Variants in VWF observed in about 807,000 individuals in gnomAD.
VWF encodes Factor VIII related antigen.
Under a neutral mutation model 308.6 loss-of-function variants are expected in VWF, and 176 were observed. The observed-to-expected ratio is 0.57, with a 90% confidence interval of 0.50 to 0.65. The LOEUF (loss-of-function observed/expected upper bound fraction) is 0.65, where lower values mean the gene tolerates loss of function less well. Ranked by LOEUF, VWF falls within the 30% of genes least tolerant of loss-of-function variation. The pLI is 0.00. For missense variants in VWF, 3,146 were observed against 3,648.2 expected (o/e 0.86, Z 3.55); for synonymous variants, 1,385 against 1,443.4 (o/e 0.96, Z 0.92).
At chr12:6,041,413 G>A (rs1029234513) in intron 18 of VWF, among the ~76,000 whole-genome samples, 1 of 151,254 alleles carries the variant, frequency 6.6e-6, no homozygotes, top group Non-Finnish European at 1.5e-5. Context: ...CTGGGTGACA[G>A]AGCAAAACTC....
intron 20 of VWF, among the ~76,000 whole-genome samples, chr12:6,034,428 C>T (rs1944309409): frequency 6.6e-6 from 1 of 152,204 alleles, no homozygotes; most frequent in South Asian, 2.1e-4. Flanking sequence ...AGCCTTTCTC[C>T]CACACCAATC....
chr12:6,030,140 G>T (rs1944243074), intron 21 of VWF, among the ~76,000 whole-genome samples: 1 of 152,180 alleles, frequency 6.6e-6, no homozygotes, highest in Admixed American at 6.5e-5. Context: ...TCAGACTGAG[G>T]CTGAGGCTGA....
intron 34 of VWF, among the ~76,000 whole-genome samples, chr12:6,004,190 G>A (rs974538646): frequency 1.8e-4 from 27 of 151,888 alleles, no homozygotes; most frequent in Admixed American, 5.2e-4. Context: ...CAAAACCAAC[G>A]TACTAAATAA....
At chr12:6,110,658 A>G (rs71584856) in intron 4 of VWF, 76 bp from the exon 5 acceptor site, 5 of 1,512,066 alleles carry the variant, frequency 3.3e-6, no homozygotes, top group South Asian at 1.1e-5. Flanking sequence ...TCTAACCCCA[A>G]CCCCATGTTG....
chr12:6,031,702 C>T (rs1297203747), intron 20 of VWF, 124 bp from the exon 21 acceptor site: 7 of 1,471,182 alleles, frequency 4.8e-6, no homozygotes, highest in African/African-American at 1.4e-5. Context: ...ACGTCCATGG[C>T]TGCGCATATG....
intron 40 of VWF, 44 bp downstream of exon 40, chr12:5,985,001 G>A (rs772769619): frequency 1.2e-6 from 2 of 1,600,750 alleles, no homozygotes; most frequent in Non-Finnish European, 1.7e-6. Context: ...GCCCCCTGGG[G>A]CTAGGGTTGG....
At chr12:6,123,529 G>A (rs1471723864) in intron 1 of VWF, among the ~76,000 whole-genome samples, 1 of 152,174 alleles carries the variant, frequency 6.6e-6, no homozygotes, top group Non-Finnish European at 1.5e-5. Context: ...GCAGCTGGGA[G>A]CTAACACACA....
At chr12:6,000,784 C>G (rs1336639450) in intron 34 of VWF, among the ~76,000 whole-genome samples, 1 of 112,968 alleles carries the variant, frequency 8.9e-6, no homozygotes, top group Non-Finnish European at 1.8e-5. Flanking sequence ...TGCACTCCAG[C>G]CTGAGCCACA....
intron 41 of VWF, among the ~76,000 whole-genome samples, chr12:5,982,914 A>G (rs990572631): frequency 1.3e-5 from 2 of 152,168 alleles, no homozygotes; most frequent in Non-Finnish European, 2.9e-5. Context: ...CATAAACCCA[A>G]GACGGAGGTG....
Position 6,023,623 on chromosome 12 carries a change from G to C in VWF, c.3379+8C>G. On this transcript the variant is annotated splice_region_variant and intron_variant, in intron 25 of 51. Coordinates refer to ENST00000261405, the MANE Select transcript of VWF (RefSeq NM_000552.5). ...GGCATCTGAGAACATGAGGGCGTCA[G>C]TACTCACGGCACAATGTGGCCGTCC... 1.2e-6 allele frequency: 2 copies of C among 1,613,746 alleles called. No homozygotes were observed. The highest frequency in any genetic ancestry group is 1.3e-5 in the African/African-American group (1 of 75,064).
intron 47 of VWF, among the ~76,000 whole-genome samples, chr12:5,957,996 G>T (rs1436354068): frequency 2.6e-5 from 4 of 152,010 alleles, no homozygotes; most frequent in Non-Finnish European, 4.4e-5. Context: ...CGTTGTACAT[G>T]AAATGTTATA....
intron 5 of VWF, among the ~76,000 whole-genome samples, chr12:6,100,386 T>TA (rs1182557644): frequency 2.7e-5 from 4 of 148,968 alleles, no homozygotes; most frequent in Non-Finnish European, 5.9e-5. Flanking sequence ...GCCATCCCAT[T>TA]ACTGGGTATA....
intron 10 of VWF, among the ~76,000 whole-genome samples, chr12:6,070,429 GAAGA>G (rs1368490844): frequency 6.6e-6 from 1 of 152,212 alleles, no homozygotes; most frequent in Admixed American, 6.5e-5. Context: ...CTGGGAAGGA[GAAGA>G]AAGGGAAGGG....
In VWF at chr12:6,016,585, C is replaced by T. The variant is rs1458901160; in HGVS notation, c.5242G>A (p.Val1748Ile). The stretch of plus-strand genomic sequence containing the variant: ...CTCAGCAAATGGGCTTTCTCCGGGA[C>T]CACGTTCCATGGCACGTCAATGGTG... ...ITTIDVPWNV[V>I]PEKAHLLSLV... is the part of the protein sequence containing the mutation. Residue 1748 changes from valine (V) to isoleucine (I), a missense_variant, in exon 30 of 52, where the codon GTC (valine) becomes ATC (isoleucine). Around this residue, in one of 3 missense-constraint regions of VWF, gnomAD observed 853 missense variants for 1,177.8 expected, o/e 0.72. Transcript: ENST00000261405. 1.2e-6 allele frequency: 2 copies of T among 1,614,080 alleles called. No individual in the cohort carries two copies. Among genetic ancestry groups the T allele is most frequent in the Non-Finnish European group, 1.7e-6 (2 of 1,180,050 alleles).
chr12:6,081,838 G>A (rs116667720), intron 6 of VWF, among the ~76,000 whole-genome samples: 1,721 of 152,244 alleles, frequency 0.011, 41 homozygotes, highest in African/African-American at 0.038. Flanking sequence ...AAATGCAGAC[G>A]CAGATATGAG....
intron 15 of VWF, among the ~76,000 whole-genome samples, chr12:6,055,627 T>C (rs1565846185): frequency 6.6e-6 from 1 of 152,164 alleles, no homozygotes; most frequent in Non-Finnish European, 1.5e-5. Flanking sequence ...AGTTGGCTCA[T>C]TGGACCCAAA....
rs777559810 is a variant in VWF at position 5,985,080 on chromosome 12, T to C, written c.6941A>G (p.Gln2314Arg). ...CGLCEVARLR[Q>R]NADQCCPEYE... ...CTCGGGGCAGCACTGGTCTGCATTCTGGCGGAGGCGGGCTACTTCACACAG... is the reference window on the plus strand; with the variant it reads ...CTCGGGGCAGCACTGGTCTGCATTCCGGCGGAGGCGGGCTACTTCACACAG... The change falls in exon 40 of 52, where the codon CAG becomes CGG. Residue 2314 changes from glutamine to arginine, a missense_variant. Coordinates refer to ENST00000261405, the MANE Select transcript of VWF (RefSeq NM_000552.5). 20 of 1,614,094 alleles carry C rather than the reference T, an allele frequency of 1.2e-5. No homozygotes were observed. Among genetic ancestry groups the C allele is most frequent in the Non-Finnish European group, 1.7e-5 (20 of 1,180,042 alleles).
chr12:5,962,629 GC>G (rs1464630448), intron 47 of VWF, among the ~76,000 whole-genome samples: 1 of 92,508 alleles, frequency 1.1e-5, no homozygotes, highest in Non-Finnish European at 1.9e-5. Context: ...TGCAACCTCT[GC>G]CCCCTGGGTT....
rs1040897547 is a variant in VWF at position 5,971,660 on chromosome 12, G to A, written c.7487C>T (p.Pro2496Leu). 1 of 1,614,234 alleles carries A rather than the reference G, an allele frequency of 6.2e-7. No homozygotes were observed. The highest frequency in any genetic ancestry group is 8.5e-7 in the Non-Finnish European group (1 of 1,180,040). Residue 2496 changes from proline (P) to leucine (L), a missense_variant, in exon 44 of 52, where the codon CCA (proline) becomes CTA (leucine). This residue lies in a region of VWF where 989 missense variants were observed against 1,117.4 expected (regional missense o/e 0.89). Transcript: ENST00000261405. ...HEGECCGRCLPSACEVVTGSP... is the reference protein window; with the variant it reads ...HEGECCGRCLLSACEVVTGSP... ...GCCAGTCACCACCTCACAGGCAGAT[G>A]GCAGGCACCTTCCACAGCACTCGCC...
Sources: gnomAD v4.1 joint callset for allele counts (sites outside exome capture counted in the v4.1 genomes callset) on GRCh38, gnomAD v4.1.1 for gene constraint, gnomAD v4.1.1 regional missense constraint, MANE v1.5 for transcripts, NCBI Gene and HGNC (gene_info 2026-07-23, HGNC 2026-07-21) for gene names.